Variants in THBS4 observed in about 807,000 individuals in gnomAD.
THBS4 encodes thrombospondin-4.
A neutral mutation model predicts 115.7 loss-of-function variants in THBS4; 90 were observed. The ratio of observed to expected loss-of-function variants is 0.78; its 90% confidence interval spans 0.66 to 0.93. The LOEUF is 0.93. Among genes scored for constraint, THBS4 ranks in the 40% least tolerant of loss-of-function variants. The pLI is 0.00. For missense variants in THBS4, 1,087 were observed against 1,232.7 expected, an observed-to-expected ratio of 0.88 and a Z score of 1.77; for synonymous variants, 460 against 479.3, an observed-to-expected ratio of 0.96 and a Z score of 0.53.
rs746762829 is a variant in THBS4 at position 80,068,111 on chromosome 5, G to A, written c.1333G>A (p.Asp445Asn). 6.2e-7 allele frequency: 1 copy of A among 1,613,890 alleles called. No homozygotes were observed. Among genetic ancestry groups the A allele is most frequent in the South Asian group, 1.1e-5 (1 of 90,990 alleles). Residue 445 changes from aspartate to asparagine, a missense_variant, in exon 10 of 22, where the codon GAT becomes AAT. Physicochemically the swap from Asp to Asn is conservative, Grantham distance 23 (BLOSUM62 1). Transcript: ENST00000350881. ...CCAGTGCATTGAAGAGAGGCAGGGGGATGTGACATGTGTGGTAAGTTGTTT... is the reference window on the plus strand; with the variant it reads ...CCAGTGCATTGAAGAGAGGCAGGGGAATGTGACATGTGTGGTAAGTTGTTT... ...NAQCIEERQG[D>N]VTCVCGVGWA...
intron 1 of THBS4, among the ~76,000 whole-genome samples, chr5:79,993,105 AAC>A (rs1014805968): frequency 2.0e-5 from 3 of 152,212 alleles, no homozygotes; most frequent in Admixed American, 6.5e-5. Flanking sequence ...GTGGACACAT[AAC>A]ACAGTTACTC....
intron 8 of THBS4, among the ~76,000 whole-genome samples, chr5:80,065,030 A>C (rs1833764517): frequency 6.6e-6 from 1 of 152,166 alleles, no homozygotes; most frequent in Non-Finnish European, 1.5e-5. Flanking sequence ...ACTAGAAAGC[A>C]GTCGGGGGAA....
chr5:80,013,113 CTTTGT>C (rs1054128784), intron 2 of THBS4, among the ~76,000 whole-genome samples: 2 of 152,082 alleles, frequency 1.3e-5, no homozygotes, highest in African/African-American at 4.8e-5. Context: ...TGTGTAATTT[CTTTGT>C]TTTGTTTTTT....
At position 80,039,303 on chromosome 5, in the gene THBS4, ACT is replaced by A. The variant is rs369885190; in HGVS notation, c.89-771_89-770del. Among the ~76,000 whole-genome samples the A allele has an allele frequency of 1.8e-4, 28 of 152,264 alleles. No homozygotes were observed. The East Asian group carries it at 4.8e-3, about 26-fold the overall frequency. The stretch of plus-strand genomic sequence containing the variant: ...AAATTTGGCCTTTGCCTTTTAAATG[ACT>A]CTGGGCATACTCTCTCATAGCTTTC... On this transcript the variant is annotated intron_variant, in intron 1 of 21. Transcript: ENST00000350881.
At chr5:80,015,743 C>T (rs886138960) in intron 2 of THBS4, among the ~76,000 whole-genome samples, 2 of 152,124 alleles carry the variant, frequency 1.3e-5, no homozygotes, top group Admixed American at 6.5e-5. Context: ...GATGAAGGCA[C>T]CAGGGACCAG....
intron 4 of THBS4, 113 bp downstream of exon 4, chr5:80,058,427 A>C: frequency 1.4e-6 from 1 of 740,124 alleles, no homozygotes. Context: ...GCCCAACAAA[A>C]CGTATCTATG....
rs1469271223 is a variant in THBS4 at position 80,010,062 on chromosome 5, G to T, written n.177+11635G>T. ...GCAGGAGGATTGCTTGAGCCCAGAA[G>T]TTGAAGGCTGCAATGAACCATGATT... On this transcript the variant is annotated intron_variant and non_coding_transcript_variant, in intron 2 of 3. Transcript: ENST00000510218. Among the ~76,000 whole-genome samples the T allele has an allele frequency of 2.6e-5, 4 of 152,306 alleles. No individual in the cohort carries two copies. In the South Asian group the frequency reaches 6.2e-4, roughly 24 times the overall value.
intron 2 of THBS4, among the ~76,000 whole-genome samples, chr5:80,019,004 C>T (rs1164769867): frequency 2.0e-5 from 3 of 146,364 alleles, no homozygotes; most frequent in East Asian, 3.9e-4. Context: ...TCTTTTACTT[C>T]GATTGCCTGG....
At chr5:80,052,496 A>C (rs1336300290) in intron 2 of THBS4, 4 of 152,170 alleles carry the variant, frequency 2.6e-5, no homozygotes, top group Non-Finnish European at 5.9e-5. Context: ...ATATTTATTT[A>C]ATACTTTACT....
At chr5:80,076,208 C>G (rs1275982397) in intron 15 of THBS4, 1 of 152,264 alleles carries the variant, frequency 6.6e-6, no homozygotes, top group Admixed American at 6.5e-5. Context: ...GCCCTGTTCA[C>G]TTTGCCCTTC....
At position 80,079,233 on chromosome 5, in the gene THBS4, T is replaced by G; in HGVS notation, c.2486T>G (p.Val829Gly). ...TGGCAAGCCACCCCATTCCGAGCAGTTGCAGAACCTGGCATTCAGCTCAAG... is the reference window on the plus strand; with the variant it reads ...TGGCAAGCCACCCCATTCCGAGCAGGTGCAGAACCTGGCATTCAGCTCAAG... The part of the protein sequence containing the change: ...TYWQATPFRA[V>G]AEPGIQLKAV... Residue 829 changes from valine to glycine, a missense_variant, in exon 19 of 22, where the codon GTT becomes GGT. Val to Gly is a moderately radical substitution (Grantham distance 109). Coordinates refer to ENST00000350881, the MANE Select transcript of THBS4 (RefSeq NM_003248.6). The G allele has an allele frequency of 3.1e-6, 5 of 1,612,510 alleles. No homozygotes were observed. The highest frequency in any genetic ancestry group is 4.2e-6 in the Non-Finnish European group (5 of 1,179,044).
chr5:80,068,346 G>C (rs1035667464), intron 10 of THBS4, among the ~76,000 whole-genome samples: 2 of 152,106 alleles, frequency 1.3e-5, no homozygotes, highest in Admixed American at 1.3e-4. Context: ...TGGCTGGGGG[G>C]CAACCCTGTC....
chr5:79,993,212 CAG>C (rs1388532617), intron 1 of THBS4, among the ~76,000 whole-genome samples: 1 of 152,294 alleles, frequency 6.6e-6, no homozygotes, highest in East Asian at 1.9e-4. Flanking sequence ...TGAATTGAGA[CAG>C]AATAGCATGT....
At chr5:80,012,057 C>G (rs1832138011) in intron 2 of THBS4, among the ~76,000 whole-genome samples, 1 of 151,956 alleles carries the variant, frequency 6.6e-6, no homozygotes, top group Non-Finnish European at 1.5e-5. Flanking sequence ...ATTCTGTGCA[C>G]CAAACCCCCA....
At position 80,035,567 on chromosome 5, in the gene THBS4, CCTG is replaced by C; in HGVS notation, c.35_37del (p.Leu12del). ...TGGCCCCGCGCGGAGCCGCCGTCCTCCTGCTGCACCTGGTCCTGCAGCGGTGGC... is the reference window on the plus strand; with the variant it reads ...TGGCCCCGCGCGGAGCCGCCGTCCTCCTGCACCTGGTCCTGCAGCGGTGGC... On this transcript the variant is annotated inframe_deletion, in exon 1 of 22. Transcript: ENST00000350881. This position sits in a 1 kb window ranked among gnomAD's most constrained non-coding sequence, Gnocchi z 4.6. 1 of 1,433,046 alleles carries C rather than the reference CCTG, an allele frequency of 7.0e-7. No individual in the cohort carries two copies. Among genetic ancestry groups the C allele is most frequent in the South Asian group, 1.4e-5 (1 of 69,306 alleles). The allele number at this position is 1,433,046 out of a possible 1,614,324, so 88.8% of individuals were successfully genotyped here.
chr5:80,013,770 A>G (rs563231647), intron 2 of THBS4, among the ~76,000 whole-genome samples: 111 of 152,344 alleles, frequency 7.3e-4, no homozygotes, highest in Non-Finnish European at 1.4e-3. Context: ...CGTTTGTAAA[A>G]TAGAGATATA....
Position 80,072,351 on chromosome 5 carries a change from G to C in THBS4, c.1794G>C (p.Val598=). 1 of 1,614,162 alleles carries C rather than the reference G, an allele frequency of 6.2e-7. No individual in the cohort carries two copies. The highest frequency in any genetic ancestry group is 8.5e-7 in the Non-Finnish European group (1 of 1,180,028). Residue 598 remains valine (V), a synonymous_variant, in exon 14 of 22, where the codon GTG becomes GTC. Transcript: ENST00000350881. ...AACGGGACAAGGATGGTGATGGTGT[G>C]GGGGATGCCTGTGACAGTTGTCCTG... ...RDQRDKDGDG[V]GDACDSCPDV...
Position 80,070,629 on chromosome 5 carries a change from A to AT in THBS4, c.1453-10dup. 1 of 1,612,596 alleles carries AT rather than the reference A, an allele frequency of 6.2e-7. No individual in the cohort carries two copies. Among genetic ancestry groups the AT allele is most frequent in the Non-Finnish European group, 8.5e-7 (1 of 1,178,644 alleles). On this transcript the variant is annotated splice_polypyrimidine_tract_variant and intron_variant, in intron 11 of 21. Transcript: ENST00000350881. ...AATGTAGGATGTCACTCGGAACTGC[A>AT]TTTTCCCCCTAAGGACAACTGCAAA... is the stretch of plus-strand genomic sequence containing the variant.
At chr5:79,991,353 T>C (rs1371850641) in exon 1 of THBS4, 4 of 944,434 alleles carry the variant, frequency 4.2e-6, no homozygotes, top group Non-Finnish European at 6.2e-6. Context: ...TCTTGAGAGA[T>C]GAGAGAAACA....
Sources: gnomAD v4.1 joint callset for allele counts (sites outside exome capture counted in the v4.1 genomes callset) on GRCh38, gnomAD v4.1.1 for gene constraint, Gnocchi (gnomAD v3.1) non-coding constraint, MANE v1.5 for transcripts, NCBI Gene and HGNC (gene_info 2026-07-23, HGNC 2026-07-21) for gene names.